The following PLEKHH1 variants were observed in gnomAD, a reference collection of about 807,000 sequenced individuals.
The protein encoded by PLEKHH1 is pleckstrin homology, MyTH4 and FERM domain containing H1.
A neutral mutation model predicts 160.0 loss-of-function variants in PLEKHH1; 104 were observed. The observed-to-expected ratio is 0.65, with a 90% CI of 0.55 to 0.76. The LOEUF (loss-of-function observed/expected upper bound fraction) is 0.76. Among genes scored for constraint, PLEKHH1 ranks in the 30% least tolerant of loss-of-function variants. PLEKHH1 has a pLI of 0.00. For synonymous variants in PLEKHH1, 619 were observed against 678.4 expected (o/e 0.91, Z 1.36); for missense variants, 1,427 against 1,724.1 (o/e 0.83, Z 3.05).
intron 3 of PLEKHH1, among the ~76,000 whole-genome samples, chr14:67,556,215 A>C (rs61171416): frequency 0.014 from 2,144 of 152,318 alleles, 59 homozygotes; most frequent in African/African-American, 0.049. Flanking sequence ...TCACTCAGGA[A>C]TCCAGGTTAA....
rs555885454 is a variant in PLEKHH1 at position 67,562,662 on chromosome 14, G to A, written c.1031G>A (p.Arg344His). Reference sequence around the variant, plus strand: ...CAGGTGGGCCATGGGCACTTTGGCCGTGTGGTGAACATTGAGACTGAGGCC... The same window carrying A: ...CAGGTGGGCCATGGGCACTTTGGCCATGTGGTGAACATTGAGACTGAGGCC... ...QPQVGHGHFG[R>H]VVNIETEAFS... is the part of the protein sequence containing the mutation. The change falls in exon 7 of 29, where the codon CGT (arginine) becomes CAT (histidine). Residue 344 changes from arginine to histidine, a missense_variant. Arg to His is a conservative substitution (Grantham distance 29, BLOSUM62 0). Transcript: ENST00000329153. 16 of 1,612,556 alleles carry A rather than the reference G, an allele frequency of 9.9e-6. No homozygotes were observed. The highest frequency in any genetic ancestry group is 4.4e-5 in the South Asian group (4 of 90,728).
At chr14:67,558,210 A>G (rs770346568) in intron 4 of PLEKHH1, among the ~76,000 whole-genome samples, 2 of 152,002 alleles carry the variant, frequency 1.3e-5, no homozygotes, top group Non-Finnish European at 2.9e-5. Flanking sequence ...TTACCTACCC[A>G]GCTTTCCCCT....
rs764431955 is a variant in PLEKHH1, at chr14:67,561,994, G to A, written c.464G>A (p.Arg155His). Reference protein sequence around the residue: ...ENQHLKSHNQRLVEQVGSLQD... With the variant: ...ENQHLKSHNQHLVEQVGSLQD... ...CAGCATCTGAAAAGCCATAATCAGC[G>A]CCTGGTGGAGCAGGTGGGATCCCTT... is the stretch of plus-strand genomic sequence containing the variant. Residue 155 changes from arginine (R) to histidine (H), a missense_variant, in exon 6 of 29, where the codon CGC (arginine) becomes CAC (histidine). Arg to His is a conservative substitution (Grantham distance 29). Coordinates refer to ENST00000329153, the MANE Select transcript of PLEKHH1 (RefSeq NM_020715.3). The A allele has an allele frequency of 5.0e-5, 80 of 1,613,714 alleles. No individual in the cohort carries two copies. Among genetic ancestry groups the A allele is most frequent in the East Asian group, 2.7e-4 (12 of 44,890 alleles).
intron 2 of PLEKHH1, among the ~76,000 whole-genome samples, chr14:67,554,316 C>G (rs113087485): frequency 6.6e-6 from 1 of 152,136 alleles, no homozygotes; most frequent in Non-Finnish European, 1.5e-5. Context: ...GATCAGTTCA[C>G]TGGTAAATAT....
intron 1 of PLEKHH1, among the ~76,000 whole-genome samples, chr14:67,534,885 T>C (rs974703767): frequency 5.3e-5 from 8 of 152,370 alleles, no homozygotes; most frequent in African/African-American, 7.2e-5. Flanking sequence ...AGATATACTC[T>C]GATGTATATG....
chr14:67,588,360 A>G lies in PLEKHH1; in HGVS notation c.*1125A>G, dbSNP rs1179658917. 6.6e-6 allele frequency: 1 copy of G among 152,560 alleles called. No homozygotes were observed. Among genetic ancestry groups the G allele is most frequent in the Non-Finnish European group, 1.5e-5 (1 of 68,028 alleles). The allele number at this position is 152,560 out of a possible 1,614,324, so 9.5% of individuals were successfully genotyped here. On this transcript the variant is annotated 3_prime_UTR_variant, in exon 29 of 29. Transcript: ENST00000329153. ...AGACCACCAAAAATGAGTCAGAAAC[A>G]CAGAAGACTATTTCAGGCATGTGGG...
chr14:67,561,807 C>G (rs1456112009), intron 5 of PLEKHH1, 147 bp from the exon 6 acceptor site: 1 of 640,510 alleles, frequency 1.6e-6, no homozygotes, highest in African/African-American at 1.9e-5. Context: ...GAGGTCAAGG[C>G]TGCAGTGAGC....
chr14:67,552,118 C>T (rs2034415708), intron 2 of PLEKHH1, among the ~76,000 whole-genome samples: 1 of 152,180 alleles, frequency 6.6e-6, no homozygotes, highest in African/African-American at 2.4e-5. Context: ...GTTGCTGCAG[C>T]CAGTTCTAGG....
intron 21 of PLEKHH1, 51 bp from the exon 22 acceptor site, chr14:67,579,670 G>A: frequency 6.3e-7 from 1 of 1,576,196 alleles, no homozygotes; most frequent in Non-Finnish European, 8.7e-7. Flanking sequence ...CAGCCCTAGT[G>A]AGCTCCTCTC....
chr14:67,556,265 C>T (rs766023405), intron 3 of PLEKHH1, among the ~76,000 whole-genome samples: 18 of 152,212 alleles, frequency 1.2e-4, no homozygotes, highest in African/African-American at 2.6e-4. Flanking sequence ...ACTTGGAATG[C>T]GCAGCCTTCT....
At chr14:67,566,925 G>C (rs2035126086) in intron 7 of PLEKHH1, among the ~76,000 whole-genome samples, 1 of 152,090 alleles carries the variant, frequency 6.6e-6, no homozygotes, top group Non-Finnish European at 1.5e-5. Flanking sequence ...GCTGAACTCT[G>C]GTGATGAAGG....
intron 24 of PLEKHH1, among the ~76,000 whole-genome samples, chr14:67,583,500 C>T (rs1267762572): frequency 6.6e-6 from 1 of 152,186 alleles, no homozygotes; most frequent in Admixed American, 6.5e-5. Flanking sequence ...TTGGAAAAGG[C>T]ACTTCACCTC....
intron 3 of PLEKHH1, among the ~76,000 whole-genome samples, chr14:67,556,987 C>T (rs1040646697): frequency 3.3e-5 from 5 of 152,232 alleles, no homozygotes; most frequent in African/African-American, 1.2e-4. Context: ...TGGCACAAGA[C>T]CCAGCTGCTT....
In PLEKHH1 at chr14:67,571,766, C is replaced by G; in HGVS notation, c.1449C>G (p.Ile483Met). 2 of 1,613,948 alleles carry G rather than the reference C, an allele frequency of 1.2e-6. No individual in the cohort carries two copies. The highest frequency in any genetic ancestry group is 1.6e-4 in the Middle Eastern group (1 of 6,062). ...CTGTCTTGCAGAGAGCTACACAGAT[C>G]AGCAACATGCCCTTTATGGACGAGT... The part of the protein sequence containing the change: ...YTALKGRATQ[I>M]SNMPFMDESS... The change falls in exon 10 of 29, where the codon ATC becomes ATG. Residue 483 changes from isoleucine (I) to methionine (M), a missense_variant. By Grantham distance (10) the Ile-to-Met change is conservative. This residue lies in a region of PLEKHH1 where 831 missense variants were observed against 929.2 expected (regional missense o/e 0.89). Transcript: ENST00000329153.
chr14:67,576,419 G>C lies in PLEKHH1; in HGVS notation c.2377G>C (p.Val793Leu). The change falls in exon 17 of 29, where the codon GTG (valine) becomes CTG (leucine). Residue 793 changes from valine to leucine, a missense_variant. Coordinates refer to ENST00000329153, the MANE Select transcript of PLEKHH1 (RefSeq NM_020715.3). This position sits in a 1 kb window ranked among gnomAD's most constrained non-coding sequence, Gnocchi z 4.0. ...EKDTWLYHLTVAAGGSSAKVG... is the reference protein window; with the variant it reads ...EKDTWLYHLTLAAGGSSAKVG... ...GGATACGTGGCTCTACCACCTCACA[G>C]TGGCTGCAGGTGGCAGCAGTGCCAA... 2 of 1,606,626 alleles carry C rather than the reference G, an allele frequency of 1.2e-6. No individual in the cohort carries two copies. Among genetic ancestry groups the C allele is most frequent in the Non-Finnish European group, 1.7e-6 (2 of 1,173,466 alleles).
In PLEKHH1 at chr14:67,583,738, C is replaced by T. The variant is rs377713772; in HGVS notation, c.3427-3C>T. ...CTGGTCTCTTCATATGCTTCTACCACAGGTAGAATATGGGGACTTGGAGAA... is the reference window on the plus strand; with the variant it reads ...CTGGTCTCTTCATATGCTTCTACCATAGGTAGAATATGGGGACTTGGAGAA... On this transcript the variant is annotated splice_polypyrimidine_tract_variant and splice_region_variant and intron_variant, in intron 24 of 28. Coordinates refer to ENST00000329153, the MANE Select transcript of PLEKHH1 (RefSeq NM_020715.3). 12 of 1,608,166 alleles carry T rather than the reference C, an allele frequency of 7.5e-6. No individual in the cohort carries two copies. The African/African-American group carries it at 1.6e-4, about 22-fold the overall frequency.
At chr14:67,552,680 T>G (rs895908737) in intron 2 of PLEKHH1, among the ~76,000 whole-genome samples, 1 of 150,364 alleles carries the variant, frequency 6.7e-6, no homozygotes, top group South Asian at 2.1e-4. Flanking sequence ...GGCAGGAGAA[T>G]GGCGGGAACC....
At chr14:67,569,085 G>A in intron 7 of PLEKHH1, 53 bp from the exon 8 acceptor site, 1 of 1,226,122 alleles carries the variant, frequency 8.2e-7, no homozygotes, top group Non-Finnish European at 1.2e-6. Context: ...GCCTGGAGGG[G>A]GTGGGATGGG....
intron 2 of PLEKHH1, among the ~76,000 whole-genome samples, chr14:67,545,232 A>G (rs532308377): frequency 2.6e-5 from 4 of 152,306 alleles, no homozygotes; most frequent in African/African-American, 4.8e-5. Flanking sequence ...TCTTCTGCTG[A>G]TATGCCACTG....
Sources: allele counts gnomAD v4.1 joint callset (sites outside exome capture counted in the v4.1 genomes callset), GRCh38; gene constraint gnomAD v4.1.1; regional missense constraint gnomAD v4.1.1; non-coding constraint Gnocchi (gnomAD v3.1); transcripts MANE v1.5; gene names NCBI Gene and HGNC (gene_info 2026-07-23, HGNC 2026-07-21).